Variants in UGT1A4 observed in about 807,000 individuals in gnomAD.
UGT1A4 encodes the protein UDP-glucuronosyltransferase 1A4.
A neutral mutation model predicts 41.1 loss-of-function variants in UGT1A4; 32 were observed. That is an observed-to-expected ratio of 0.78 (90% CI 0.59 to 1.05). The LOEUF (loss-of-function observed/expected upper bound fraction) is 1.05, where lower values mean the gene tolerates loss of function less well. Ranked by LOEUF, UGT1A4 falls within the 50% of genes least tolerant of loss-of-function variation. The pLI is 0.00. For synonymous variants in UGT1A4, 283 were observed against 265.1 expected, an observed-to-expected ratio of 1.07 and a Z score of -0.66; for missense variants, 748 against 677.4, an observed-to-expected ratio of 1.10 and a Z score of -1.16.
intron 1 of UGT1A4, among the ~76,000 whole-genome samples, chr2:233,724,747 C>T (rs1469881894): frequency 7.0e-6 from 1 of 143,144 alleles, no homozygotes; most frequent in Admixed American, 7.0e-5. Context: ...TCCTCACATC[C>T]CAGACGATGG....
chr2:233,749,216 C>G lies in UGT1A4; in HGVS notation c.868-17818C>G, dbSNP rs1401762551. ...AACATAGGTATTATTGCCAAACACT[C>G]TAAGCTTCATTTTTTAAAATCAAAC... On this transcript the variant is annotated intron_variant, in intron 1 of 4. Coordinates refer to ENST00000373409, the MANE Select transcript of UGT1A4 (RefSeq NM_007120.3). Among the ~76,000 whole-genome samples, 5 of 151,786 alleles carry G rather than the reference C, an allele frequency of 3.3e-5. No homozygotes were observed. The East Asian group carries it at 5.8e-4, about 18-fold the overall frequency.
chr2:233,748,202 A>G (rs1693892993), intron 1 of UGT1A4: 1 of 1,528,284 alleles, frequency 6.5e-7, no homozygotes. Flanking sequence ...GCTTGTCGTA[A>G]TAGCCTTCAG....
chr2:233,761,925 G>C (rs1697902891), intron 1 of UGT1A4, among the ~76,000 whole-genome samples: 1 of 152,224 alleles, frequency 6.6e-6, no homozygotes, highest in Admixed American at 6.5e-5. Flanking sequence ...GGCAGCCCAG[G>C]CACTTCCCAG....
chr2:233,749,588 C>G (rs932170958), intron 1 of UGT1A4, among the ~76,000 whole-genome samples: 1 of 151,804 alleles, frequency 6.6e-6, no homozygotes, highest in African/African-American at 2.4e-5. Context: ...TCTGTCTCAA[C>G]ATGAAGTCAC....
intron 1 of UGT1A4, among the ~76,000 whole-genome samples, chr2:233,759,294 C>A (rs1363540933): frequency 6.6e-6 from 1 of 152,134 alleles, no homozygotes; most frequent in Non-Finnish European, 1.5e-5. Context: ...TGAAGCTGAG[C>A]CCTGAGTGGC....
chr2:233,755,768 C>G (rs1461511969), intron 1 of UGT1A4: 5 of 152,866 alleles, frequency 3.3e-5, no homozygotes, highest in African/African-American at 1.2e-4. Flanking sequence ...TTTTGTTCAT[C>G]TGGATTATGC....
At chr2:233,720,590 G>A (rs1172062832) in intron 1 of UGT1A4, among the ~76,000 whole-genome samples, 2 of 152,014 alleles carry the variant, frequency 1.3e-5, no homozygotes, top group Non-Finnish European at 2.9e-5. Context: ...AATTTCAGAG[G>A]TGACTTTCAT....
chr2:233,743,852 G>A (rs770873874), intron 1 of UGT1A4: 10 of 1,367,226 alleles, frequency 7.3e-6, no homozygotes, highest in East Asian at 9.1e-5. Flanking sequence ...CTTGCGGTAC[G>A]CCTTCTTGAT....
At chr2:233,747,385 C>G in intron 1 of UGT1A4, 2 of 1,604,764 alleles carry the variant, frequency 1.2e-6, no homozygotes, top group East Asian at 4.5e-5. Flanking sequence ...GGCCACCAGG[C>G]GGTGGTCCTC....
chr2:233,742,539 ATGGCCAGTTTAGGGGCCAGCTTC>A (rs1692013291), intron 1 of UGT1A4, among the ~76,000 whole-genome samples: 1 of 151,860 alleles, frequency 6.6e-6, no homozygotes, highest in African/African-American at 2.4e-5. Flanking sequence ...GATTTTGTTT[ATGGCCAGTTTAGGGGCCAGCTTC>A]TGGCCGGAAT....
intron 1 of UGT1A4, among the ~76,000 whole-genome samples, chr2:233,765,833 T>G (rs532731627): frequency 6.6e-6 from 1 of 152,182 alleles, no homozygotes; most frequent in Admixed American, 6.5e-5. Flanking sequence ...ACAGGAAAAC[T>G]TTCCTTGTCC....
At chr2:233,729,492 G>A (rs2077867797) in intron 1 of UGT1A4, 26 of 1,614,172 alleles carry the variant, frequency 1.6e-5, no homozygotes, top group Non-Finnish European at 2.0e-5. Context: ...ATATGTCTTT[G>A]GTCTATCATA....
intron 1 of UGT1A4, chr2:233,721,912 C>A: frequency 2.3e-6 from 1 of 427,588 alleles, no homozygotes; most frequent in Non-Finnish European, 4.7e-6. Flanking sequence ...GTGCACACTG[C>A]TTCCATAAAG....
rs2126067607 is a variant in UGT1A4 at position 233,772,789 on chromosome 2, G to C, written c.*230G>C. 2 of 1,234,682 alleles carry C rather than the reference G, an allele frequency of 1.6e-6. No homozygotes were observed. Among genetic ancestry groups the C allele is most frequent in the Middle Eastern group, 2.9e-4 (1 of 3,420 alleles). The allele number at this position is 1,234,682 out of a possible 1,614,324, so 76.5% of individuals were successfully genotyped here. On this transcript the variant is annotated 3_prime_UTR_variant, in exon 5 of 5. Transcript: ENST00000373409. Reference sequence around the variant, plus strand: ...CCCCTCTGGTGTCTTTGATCAGGATGACATGTGCCATTTTTCAGAGGACGT... The same window carrying C: ...CCCCTCTGGTGTCTTTGATCAGGATCACATGTGCCATTTTTCAGAGGACGT...
At chr2:233,730,000 A>G (rs569428615) in intron 1 of UGT1A4, 10 of 1,614,004 alleles carry the variant, frequency 6.2e-6, no homozygotes, top group Admixed American at 3.3e-5. Context: ...TCAGGTCTGT[A>G]TTGGTGCCTT....
At chr2:233,767,960 T>C (rs769330196) in intron 3 of UGT1A4, 24 bp downstream of exon 3, 3 of 1,614,200 alleles carry the variant, frequency 1.9e-6, no homozygotes, top group Non-Finnish European at 2.5e-6. Context: ...ATTGGATGTA[T>C]AGGTCAAACC....
intron 1 of UGT1A4, among the ~76,000 whole-genome samples, chr2:233,745,604 G>A (rs908621602): frequency 6.6e-6 from 1 of 151,572 alleles, no homozygotes; most frequent in African/African-American, 2.4e-5. Flanking sequence ...TTGGCACTTG[G>A]TAAGCACACA....
intron 1 of UGT1A4, among the ~76,000 whole-genome samples, chr2:233,757,560 A>ATATGTG (rs904896556): frequency 1.6e-5 from 2 of 123,146 alleles, no homozygotes; most frequent in African/African-American, 6.8e-5. Flanking sequence ...ATATATATAT[A>ATATGTG]TGTATATATG....
chr2:233,731,634 A>G (rs547560003), intron 1 of UGT1A4, among the ~76,000 whole-genome samples: 6 of 152,300 alleles, frequency 3.9e-5, no homozygotes, highest in African/African-American at 9.6e-5. Flanking sequence ...TTATGGCTGC[A>G]TAGTATTCCA....
Sources: gnomAD v4.1 joint callset for allele counts (sites outside exome capture counted in the v4.1 genomes callset) on GRCh38, gnomAD v4.1.1 for gene constraint, MANE v1.5 for transcripts, NCBI Gene and HGNC (gene_info 2026-07-23, HGNC 2026-07-21) for gene names.